RBM4: variants seen among roughly 807,000 people sequenced by gnomAD.
RBM4 encodes the protein RNA-binding protein 4.
A neutral mutation model predicts 29.5 loss-of-function variants in RBM4; 7 were observed. The observed-to-expected ratio is 0.24, with a 90% CI of 0.14 to 0.45. RBM4 has a LOEUF of 0.45. RBM4 is among the 20% of genes least tolerant of loss of function. The probability of loss-of-function intolerance (pLI) is 1.00; values close to 1 mark genes in which losing one functional copy is unlikely to be tolerated. For synonymous variants in RBM4, 220 were observed against 205.4 expected, an observed-to-expected ratio of 1.07 and a Z score of -0.61; for missense variants, 387 against 502.3, an observed-to-expected ratio of 0.77 and a Z score of 2.19.
In RBM4 at chr11:66,653,362, ATT is replaced by A. The variant is rs71045956; in HGVS notation, c.413-12478_413-12477del. 3.7e-4 allele frequency among the ~76,000 whole-genome samples: 50 copies of A among 135,842 alleles called. 1 individual carries two copies. The highest frequency in any genetic ancestry group is 6.9e-4 in the African/African-American group (25 of 36,232). The allele number at this position is 135,842 out of a possible 152,430, so 89.1% of individuals were successfully genotyped here. On this transcript the variant is annotated intron_variant, in intron 2 of 2. Coordinates refer to the RBM4 transcript ENST00000396053. ...TATGATGATTCACTTCTACTTAATG[ATT>A]TTTTTTTTTTTTTTTGAGAGGGAGT...
rs1169465148 is a variant in RBM4 at position 66,643,632 on chromosome 11, A to G, written c.595A>G (p.Thr199Ala). 6.2e-7 allele frequency: 1 copy of G among 1,614,172 alleles called. No homozygotes were observed. Among genetic ancestry groups the G allele is most frequent in the East Asian group, 2.2e-5 (1 of 44,884 alleles). ...QYNEQYGAVR[T>A]PYTMSYGDSL... is the part of the protein sequence containing the mutation. Reference sequence around the variant, plus strand: ...TAATGAGCAATACGGAGCAGTGCGTACGCCTTACACCATGAGCTATGGGGA... The same window carrying G: ...TAATGAGCAATACGGAGCAGTGCGTGCGCCTTACACCATGAGCTATGGGGA... Residue 199 changes from threonine to alanine, a missense_variant, in exon 3 of 4, where the codon ACG becomes GCG. Physicochemically the swap from Thr to Ala is moderately conservative, Grantham distance 58. Around this residue, in one of 2 missense-constraint regions of RBM4, gnomAD observed 281 missense variants for 288.7 expected, o/e 0.97. Transcript: ENST00000310092. The surrounding 1 kb of genome is among the most constrained non-coding windows in gnomAD (Gnocchi z 6.1).
At chr11:66,652,858 G>C (rs1293491884) in intron 2 of RBM4, among the ~76,000 whole-genome samples, 1 of 152,108 alleles carries the variant, frequency 6.6e-6, no homozygotes, top group Non-Finnish European at 1.5e-5. Flanking sequence ...AACCCCACCC[G>C]CACCCCCACC....
chr11:66,657,327 A>G (rs1259984174), intron 2 of RBM4, among the ~76,000 whole-genome samples: 3 of 151,146 alleles, frequency 2.0e-5, no homozygotes, highest in East Asian at 2.0e-4. Context: ...GGGTCTCCCT[A>G]TGTTGCCCAG....
At chr11:66,658,410 AATC>A (rs1413371048) in intron 2 of RBM4, among the ~76,000 whole-genome samples, 1 of 139,572 alleles carries the variant, frequency 7.2e-6, no homozygotes, top group Non-Finnish European at 1.5e-5. Context: ...GATTCCCTGA[AATC>A]ATTGTTAATT....
In RBM4 at chr11:66,639,311, G is replaced by T. The variant is rs1043321809; in HGVS notation, c.-12-389G>T. The stretch of plus-strand genomic sequence containing the variant: ...TGCTTTGGTTCCTACGTGAGGAAAA[G>T]CCTGTTGATAATTTCAGGCAGGCAG... On this transcript the variant is annotated intron_variant, in intron 1 of 3. Transcript: ENST00000310092. 3.7e-5 allele frequency: 7 copies of T among 186,680 alleles called. No homozygotes were observed. In the East Asian group the frequency reaches 9.6e-4, roughly 26 times the overall value. 11.6% of individuals were successfully genotyped at this position (186,680 alleles called of 1,614,324 possible).
intron 3 of RBM4, chr11:66,644,634 G>T: frequency 1.0e-6 from 1 of 958,534 alleles, no homozygotes; most frequent in Non-Finnish European, 1.2e-6. Context: ...CACTGCTCAG[G>T]TCCCAGTTAC....
chr11:66,658,681 A>C (rs1230972441), intron 2 of RBM4, among the ~76,000 whole-genome samples: 2 of 152,086 alleles, frequency 1.3e-5, no homozygotes, highest in African/African-American at 4.8e-5. Flanking sequence ...TCACGCCTGT[A>C]ATCCCAGCAC....
downstream of RBM4, among the ~76,000 whole-genome samples, chr11:66,649,429 C>T (rs745352661): frequency 1.2e-4 from 19 of 152,296 alleles, no homozygotes; most frequent in African/African-American, 3.6e-4. Context: ...GCTGAAGTTC[C>T]AGCTACTAAG....
intron 1 of RBM4, chr11:66,639,334 C>T (rs1031372311): frequency 4.5e-5 from 9 of 202,032 alleles, no homozygotes; most frequent in Non-Finnish European, 7.0e-5. Flanking sequence ...TTCAGGCAGG[C>T]AGTCAGCAAG....
chr11:66,657,682 CAAAAAAA>C lies in RBM4; in HGVS notation c.413-8154_413-8148del, dbSNP rs763265823. Among the ~76,000 whole-genome samples, 29 of 28,066 alleles carry C rather than the reference CAAAAAAA, an allele frequency of 1.0e-3. 1 individual carries two copies. The highest frequency in any genetic ancestry group is 1.2e-3 in the Non-Finnish European group (16 of 13,198). The allele number at this position is 28,066 out of a possible 152,430, so 18.4% of individuals were successfully genotyped here. On this transcript the variant is annotated intron_variant, in intron 2 of 2. Transcript: ENST00000396053. ...TGGGCGACAGAGCAAGATTCCATCTCAAAAAAAAAAAAAAAAAAAAAAAAAATTATAG... is the reference window on the plus strand; with the variant it reads ...TGGGCGACAGAGCAAGATTCCATCTCAAAAAAAAAAAAAAAAAAATTATAG...
At position 66,661,512 on chromosome 11, in the gene RBM4, G is replaced by C. The variant is rs775351629; in HGVS notation, c.413-4344G>C. On this transcript the variant is annotated intron_variant, in intron 2 of 2. Coordinates refer to the RBM4 transcript ENST00000396053. ...GTGCCATGCTGGAAACCTGAGGAAG[G>C]GGGTAGATCTGAGGCTACAGAAACC... 1.4e-4 allele frequency among the ~76,000 whole-genome samples: 22 copies of C among 152,270 alleles called. 1 individual carries two copies. The highest frequency in any genetic ancestry group is 3.4e-3 in the Middle Eastern group (1 of 294).
chr11:66,658,946 A>AT (rs1565087690), intron 2 of RBM4, among the ~76,000 whole-genome samples: 38 of 146,662 alleles, frequency 2.6e-4, no homozygotes, highest in South Asian at 1.3e-3. Context: ...CAAAAAAAAA[A>AT]AATATATATA....
At chr11:66,663,485 C>A (rs1193731262) in intron 2 of RBM4, among the ~76,000 whole-genome samples, 2 of 152,170 alleles carry the variant, frequency 1.3e-5, no homozygotes, top group African/African-American at 4.8e-5. Context: ...CTGCCTCAGC[C>A]TCCCGAGTAG....
intron 3 of RBM4, 25 bp downstream of exon 3, chr11:66,644,165 T>TCACCCC (rs1352374500): frequency 6.3e-7 from 1 of 1,583,490 alleles, no homozygotes; most frequent in African/African-American, 1.3e-5. Context: ...GTGTTCCCTC[T>TCACCCC]TCTGGTTTTG....
intron 2 of RBM4, among the ~76,000 whole-genome samples, chr11:66,655,103 A>G (rs1444127218): frequency 6.6e-6 from 1 of 152,034 alleles, no homozygotes; most frequent in Non-Finnish European, 1.5e-5. Flanking sequence ...CTCCTGCCTC[A>G]GCATCCTCAG....
At chr11:66,649,533 C>T (rs1565084366), downstream of RBM4, among the ~76,000 whole-genome samples, 3 of 152,068 alleles carry the variant, frequency 2.0e-5, no homozygotes, top group South Asian at 2.1e-4. Context: ...CAGAGCAAGA[C>T]GAATTATTTT....
rs748154380 is a variant in RBM4 at position 66,643,540 on chromosome 11, A to C, written c.503A>C (p.Glu168Ala). The C allele has an allele frequency of 1.2e-6, 2 of 1,614,140 alleles. No homozygotes were observed. The highest frequency in any genetic ancestry group is 2.2e-5 in the South Asian group (2 of 91,082). Residue 168 changes from glutamate (E) to alanine (A), a missense_variant, in exon 3 of 4, where the codon GAG becomes GCG. Physicochemically the swap from Glu to Ala is moderately radical, Grantham distance 107 (BLOSUM62 -1). Around this residue, in one of 2 missense-constraint regions of RBM4, gnomAD observed 281 missense variants for 288.7 expected, o/e 0.97. Coordinates refer to ENST00000310092, the MANE Select transcript of RBM4 (RefSeq NM_002896.4). The surrounding 1 kb of genome is among the most constrained non-coding windows in gnomAD (Gnocchi z 6.1). ...AGCGGCTGCTATCGGTGCGGGAAAG[A>C]GGGGCACTGGTCCAAAGAGTGTCCG... ...DQSGCYRCGK[E>A]GHWSKECPID...
downstream of RBM4, among the ~76,000 whole-genome samples, chr11:66,650,552 C>T (rs1333580990): frequency 1.3e-5 from 2 of 150,646 alleles, no homozygotes; most frequent in African/African-American, 4.9e-5. Flanking sequence ...GCCTGGGCAA[C>T]GAGAGTGAAA....
intron 2 of RBM4, among the ~76,000 whole-genome samples, chr11:66,641,589 T>A (rs1445206430): frequency 6.6e-6 from 1 of 152,220 alleles, no homozygotes; most frequent in Admixed American, 6.5e-5. Context: ...TGGTGTCTGC[T>A]TGTAGCAGTT....
Sources: allele counts gnomAD v4.1 joint callset (sites outside exome capture counted in the v4.1 genomes callset), GRCh38; gene constraint gnomAD v4.1.1; regional missense constraint gnomAD v4.1.1; non-coding constraint Gnocchi (gnomAD v3.1); transcripts MANE v1.5; gene names NCBI Gene and HGNC (gene_info 2026-07-23, HGNC 2026-07-21).